Variants in ARHGAP10 observed in about 807,000 individuals in gnomAD.
The protein encoded by ARHGAP10 is rho GTPase-activating protein 10.
A neutral mutation model predicts 108.6 loss-of-function variants in ARHGAP10; 87 were observed. The observed-to-expected ratio is 0.80, with a 90% CI of 0.67 to 0.96. The LOEUF is 0.96. Ranked by LOEUF, ARHGAP10 falls within the 40% of genes least tolerant of loss-of-function variation. The pLI, the probability that ARHGAP10 is intolerant of heterozygous loss-of-function variation, is 0.00. For synonymous variants in ARHGAP10, 347 were observed against 341.1 expected (o/e 1.02, Z -0.19); for missense variants, 939 against 954.5 (o/e 0.98, Z 0.21).
chr4:147,962,383 G>A (rs2126992968), intron 16 of ARHGAP10, among the ~76,000 whole-genome samples: 1 of 152,362 alleles, frequency 6.6e-6, no homozygotes, highest in Non-Finnish European at 1.5e-5. Flanking sequence ...GCCAGCCACA[G>A]AGGCTAAGTG....
intron 1 of ARHGAP10, among the ~76,000 whole-genome samples, chr4:147,773,916 T>A (rs949216777): frequency 3.3e-5 from 5 of 152,326 alleles, no homozygotes; most frequent in African/African-American, 4.8e-5. Flanking sequence ...GCTTGAGATA[T>A]GTCTTGCAGC....
intron 3 of ARHGAP10, among the ~76,000 whole-genome samples, chr4:147,843,534 T>C (rs1259578425): frequency 1.3e-5 from 2 of 152,162 alleles, no homozygotes. Flanking sequence ...TTTTTCTTTT[T>C]CTTTTTCTTT....
intron 18 of ARHGAP10, among the ~76,000 whole-genome samples, chr4:147,989,412 T>C (rs1464391945): frequency 2.0e-5 from 3 of 152,202 alleles, no homozygotes; most frequent in African/African-American, 7.2e-5. Context: ...AGGCGGGAAT[T>C]TCCTCTTCCT....
At chr4:147,959,013 T>C (rs1052536719) in intron 16 of ARHGAP10, among the ~76,000 whole-genome samples, 2 of 152,170 alleles carry the variant, frequency 1.3e-5, no homozygotes, top group Admixed American at 1.3e-4. Flanking sequence ...CTAGTTTTTT[T>C]TTTTAAGGTA....
chr4:147,874,950 G>A (rs1055720704), intron 7 of ARHGAP10, 71 bp from the exon 8 acceptor site: 2 of 1,392,712 alleles, frequency 1.4e-6, no homozygotes, highest in African/African-American at 2.9e-5. Flanking sequence ...TTTATGCAGA[G>A]ACTTTAAAAT....
intron 8 of ARHGAP10, among the ~76,000 whole-genome samples, chr4:147,877,679 C>T (rs1478110973): frequency 6.6e-6 from 1 of 152,008 alleles, no homozygotes. Flanking sequence ...GCTAGAGGTC[C>T]CTCTGACATA....
At chr4:147,871,151 G>C (rs1337762186) in intron 7 of ARHGAP10, among the ~76,000 whole-genome samples, 1 of 152,000 alleles carries the variant, frequency 6.6e-6, no homozygotes, top group South Asian at 2.1e-4. Flanking sequence ...GTAGAGACGG[G>C]GTTTCACCGT....
chr4:148,055,921 T>A (rs1014726841), intron 20 of ARHGAP10, among the ~76,000 whole-genome samples: 3 of 152,092 alleles, frequency 2.0e-5, no homozygotes, highest in African/African-American at 7.2e-5. Context: ...ATCCGAATTG[T>A]CTTCATCTCC....
At chr4:147,898,762 C>T (rs2126896691) in intron 10 of ARHGAP10, among the ~76,000 whole-genome samples, 1 of 149,394 alleles carries the variant, frequency 6.7e-6, no homozygotes, top group East Asian at 2.0e-4. Flanking sequence ...ATCTTCCTGT[C>T]TTCTTCTGAC....
intron 7 of ARHGAP10, among the ~76,000 whole-genome samples, chr4:147,869,246 G>C (rs1332527942): frequency 6.6e-6 from 1 of 152,164 alleles, no homozygotes; most frequent in Non-Finnish European, 1.5e-5. Context: ...CTCTGCCTCA[G>C]ACTCTGGGGT....
chr4:147,816,414 GT>G (rs1422879447), intron 1 of ARHGAP10, among the ~76,000 whole-genome samples: 2 of 152,170 alleles, frequency 1.3e-5, no homozygotes, highest in Admixed American at 1.3e-4. Flanking sequence ...GGCTCTCCTT[GT>G]TTTCCTTTTA....
At chr4:147,879,139 G>A (rs1735221553) in intron 8 of ARHGAP10, 93 bp from the exon 9 acceptor site, 6 of 976,090 alleles carry the variant, frequency 6.1e-6, no homozygotes, top group Middle Eastern at 2.2e-4. Flanking sequence ...TCGTTGCTGC[G>A]TTTTAGACAT....
intron 1 of ARHGAP10, among the ~76,000 whole-genome samples, chr4:147,775,090 T>C (rs1305251080): frequency 1.3e-5 from 2 of 152,104 alleles, no homozygotes; most frequent in Non-Finnish European, 2.9e-5. Flanking sequence ...AATTTTTGTA[T>C]TTTTAGTAGA....
At chr4:147,732,704 C>T (rs1032651762) in intron 1 of ARHGAP10, among the ~76,000 whole-genome samples, 4 of 151,880 alleles carry the variant, frequency 2.6e-5, no homozygotes, top group Non-Finnish European at 5.9e-5. Flanking sequence ...GCCAGCGGGC[C>T]CCGCCTGGGC....
intron 10 of ARHGAP10, among the ~76,000 whole-genome samples, chr4:147,902,835 C>G (rs1736304351): frequency 7.3e-6 from 1 of 137,922 alleles, no homozygotes; most frequent in African/African-American, 2.7e-5. Context: ...CCTCAGGAAA[C>G]TTATAATCAT....
intron 3 of ARHGAP10, among the ~76,000 whole-genome samples, chr4:147,825,043 C>T (rs925577035): frequency 2.6e-5 from 4 of 152,174 alleles, no homozygotes; most frequent in African/African-American, 9.7e-5. Context: ...CTCTGAACTG[C>T]CCTCCCTGTC....
chr4:147,911,208 A>ACTGCCC (rs1736716705), intron 12 of ARHGAP10, among the ~76,000 whole-genome samples: 1 of 151,770 alleles, frequency 6.6e-6, no homozygotes, highest in African/African-American at 2.4e-5. Flanking sequence ...ACCACTGCCC[A>ACTGCCC]ATTCATTAAA....
chr4:147,899,774 A>T (rs1017773293), intron 10 of ARHGAP10, among the ~76,000 whole-genome samples: 1 of 151,954 alleles, frequency 6.6e-6, no homozygotes, highest in Non-Finnish European at 1.5e-5. Flanking sequence ...CAGAAACTCT[A>T]TGAGAAACTG....
intron 13 of ARHGAP10, among the ~76,000 whole-genome samples, chr4:147,926,913 G>A (rs1737484514): frequency 6.6e-6 from 1 of 152,046 alleles, no homozygotes; most frequent in Non-Finnish European, 1.5e-5. Context: ...GGTTGTACTT[G>A]TTTTTTTCTT....
Sources: gnomAD v4.1 joint callset for allele counts (sites outside exome capture counted in the v4.1 genomes callset) on GRCh38, gnomAD v4.1.1 for gene constraint, MANE v1.5 for transcripts, NCBI Gene and HGNC (gene_info 2026-07-23, HGNC 2026-07-21) for gene names.